Variants in NSUN6 observed in about 807,000 individuals in gnomAD.
NSUN6 encodes tRNA (cytosine(72)-C(5))-methyltransferase NSUN6.
In NSUN6, 64 loss-of-function variants were observed where a neutral mutation model predicts 58.0. That is an observed-to-expected ratio of 1.10 (90% CI 0.90 to 1.36). The LOEUF is 1.36. Ranked by LOEUF, NSUN6 falls within the 40% of genes most tolerant of loss-of-function variation. The probability of loss-of-function intolerance (pLI) is 0.00; values close to 1 mark genes in which losing one functional copy is unlikely to be tolerated. For synonymous variants in NSUN6, 231 were observed against 193.9 expected (o/e 1.19, Z -1.59); for missense variants, 701 against 550.1 (o/e 1.27, Z -2.74).
At chr10:18,567,051 TTTCTCCATTCTATTCCA>T (rs1290006318) in intron 8 of NSUN6, among the ~76,000 whole-genome samples, 9 of 149,702 alleles carry the variant, frequency 6.0e-5, no homozygotes, top group Admixed American at 3.3e-4. Flanking sequence ...ATTCTATTCC[TTTCTCCATTCTATTCCA>T]TTCTCCATTC....
intron 8 of NSUN6, among the ~76,000 whole-genome samples, chr10:18,552,704 ATTCTG>A (rs1213741768): frequency 6.7e-6 from 1 of 148,404 alleles, no homozygotes; most frequent in African/African-American, 2.5e-5. Context: ...ATTCCATTCC[ATTCTG>A]CGTTCCATTC....
chr10:18,636,799 G>C (rs2059230378), intron 3 of NSUN6, among the ~76,000 whole-genome samples: 2 of 151,940 alleles, frequency 1.3e-5, no homozygotes, highest in South Asian at 4.1e-4. Context: ...GGCTGAGGCA[G>C]AACTGCTTGA....
At chr10:18,653,944 CTT>C (rs1303092773), upstream of NSUN6, among the ~76,000 whole-genome samples, 1 of 152,164 alleles carries the variant, frequency 6.6e-6, no homozygotes, top group South Asian at 2.1e-4. Flanking sequence ...CAATCTCACT[CTT>C]TTTAGTTTGT....
intron 8 of NSUN6, among the ~76,000 whole-genome samples, chr10:18,558,518 TATGGAATGGAACGGAGA>T (rs1308354155): frequency 3.6e-5 from 5 of 137,382 alleles, no homozygotes; most frequent in South Asian, 2.4e-4. Context: ...AGGAATAGAA[TATGGAATGGAACGGAGA>T]ATGGAATGGA....
intron 4 of NSUN6, among the ~76,000 whole-genome samples, chr10:18,614,883 C>G (rs1040487452): frequency 6.6e-6 from 1 of 152,084 alleles, no homozygotes; most frequent in Non-Finnish European, 1.5e-5. Context: ...AAATCTCAAG[C>G]TGAGCCAAAT....
Position 18,644,697 on chromosome 10 carries a change from G to A in NSUN6, c.232-2142C>T, listed in dbSNP as rs1235026207. ...TAAAAATACAAAAAAAAAATTAGCC[G>A]GGTGTGGTGGCGGGCGCCTGTAGTC... On this transcript the variant is annotated intron_variant, in intron 2 of 10. Transcript: ENST00000377304. Among the ~76,000 whole-genome samples, 10 of 151,660 alleles carry A rather than the reference G, an allele frequency of 6.6e-5. No homozygotes were observed. In the South Asian group the frequency reaches 1.0e-3, roughly 16 times the overall value.
At chr10:18,629,771 A>C (rs1430730430) in intron 3 of NSUN6, among the ~76,000 whole-genome samples, 2 of 146,636 alleles carry the variant, frequency 1.4e-5, no homozygotes, top group South Asian at 4.5e-4. Context: ...TGAGTGACCT[A>C]CAAAGAGACT....
At chr10:18,568,932 G>C (rs576159800) in intron 8 of NSUN6, among the ~76,000 whole-genome samples, 284 of 139,678 alleles carry the variant, frequency 2.0e-3, no homozygotes, top group African/African-American at 6.8e-3. Flanking sequence ...TTCTCCATTT[G>C]GTTCTCCATT....
Position 18,562,201 on chromosome 10 carries a change from G to A in NSUN6, c.923-10230C>T, listed in dbSNP as rs1387515418. ...AAGGGACTGGAGAATGGAATGGAATGGAGAATAGAATGCAATAGAATGGAA... is the reference window on the plus strand; with the variant it reads ...AAGGGACTGGAGAATGGAATGGAATAGAGAATAGAATGCAATAGAATGGAA... On this transcript the variant is annotated intron_variant, in intron 8 of 10. Transcript: ENST00000377304. Among the ~76,000 whole-genome samples the A allele has an allele frequency of 7.3e-5, 11 of 150,436 alleles. No individual in the cohort carries two copies. The East Asian group carries it at 2.2e-3, about 30-fold the overall frequency.
chr10:18,651,800 G>A (rs1479044830), upstream of NSUN6: 9 of 985,334 alleles, frequency 9.1e-6, no homozygotes, highest in Non-Finnish European at 1.1e-5. Flanking sequence ...CAGACCCCGC[G>A]GGCGGGATGG....
At chr10:18,600,587 C>G (rs559591500) in intron 6 of NSUN6, among the ~76,000 whole-genome samples, 1 of 152,020 alleles carries the variant, frequency 6.6e-6, no homozygotes, top group Non-Finnish European at 1.5e-5. Flanking sequence ...ATCCCACCAC[C>G]ACACTCAGCC....
intron 10 of NSUN6, among the ~76,000 whole-genome samples, chr10:18,546,797 G>C (rs577001412): frequency 2.6e-5 from 4 of 151,988 alleles, no homozygotes; most frequent in Non-Finnish European, 5.9e-5. Flanking sequence ...AGAATTGCCC[G>C]GGAGACAGAG....
intron 7 of NSUN6, among the ~76,000 whole-genome samples, chr10:18,589,950 G>A (rs891699442): frequency 4.6e-5 from 7 of 152,122 alleles, no homozygotes; most frequent in African/African-American, 1.7e-4. Flanking sequence ...CCAATTAAAA[G>A]ATACAGACTA....
intron 8 of NSUN6, among the ~76,000 whole-genome samples, chr10:18,554,435 C>G (rs547850248): frequency 7.3e-6 from 1 of 136,402 alleles, no homozygotes; most frequent in Non-Finnish European, 1.6e-5. Flanking sequence ...GAACGGACAA[C>G]GGAATGGAAT....
chr10:18,655,979 G>C (rs1483828908), upstream of NSUN6, among the ~76,000 whole-genome samples: 1 of 152,216 alleles, frequency 6.6e-6, no homozygotes, highest in East Asian at 1.9e-4. Context: ...TGAAACTCAG[G>C]ATATTATGGC....
intron 6 of NSUN6, among the ~76,000 whole-genome samples, chr10:18,602,747 C>A (rs1285257956): frequency 6.6e-6 from 1 of 152,092 alleles, no homozygotes; most frequent in Non-Finnish European, 1.5e-5. Flanking sequence ...CCAGAAAAAT[C>A]TATTTTTTAC....
At chr10:18,549,049 C>T (rs2054454286) in intron 9 of NSUN6, among the ~76,000 whole-genome samples, 1 of 152,142 alleles carries the variant, frequency 6.6e-6, no homozygotes, top group African/African-American at 2.4e-5. Flanking sequence ...ATTCCCTGCC[C>T]TCCTGCAATC....
intron 3 of NSUN6, among the ~76,000 whole-genome samples, chr10:18,639,502 A>T (rs1166802496): frequency 6.6e-6 from 1 of 152,238 alleles, no homozygotes; most frequent in African/African-American, 2.4e-5. Context: ...CTCAAAAAAA[A>T]TAAAAACAAA....
chr10:18,620,261 G>A (rs1269868502), intron 3 of NSUN6, among the ~76,000 whole-genome samples: 3 of 151,900 alleles, frequency 2.0e-5, no homozygotes, highest in Non-Finnish European at 4.4e-5. Context: ...CTAATTTTTT[G>A]TGTTTTTAGT....
Sources: gnomAD v4.1 joint callset for allele counts (sites outside exome capture counted in the v4.1 genomes callset) on GRCh38, gnomAD v4.1.1 for gene constraint, MANE v1.5 for transcripts, NCBI Gene and HGNC (gene_info 2026-07-23, HGNC 2026-07-21) for gene names.